PIAS4: variants seen among roughly 807,000 people sequenced by gnomAD.
The protein encoded by PIAS4 is protein inhibitor of activated STAT 4, also known as E3 SUMO-protein ligase PIAS4.
A neutral mutation model predicts 58.0 loss-of-function variants in PIAS4; 7 were observed. The observed-to-expected ratio is 0.12, with a 90% CI of 0.07 to 0.23. The LOEUF (loss-of-function observed/expected upper bound fraction) is 0.23. Ranked by LOEUF, PIAS4 falls within the 10% of genes least tolerant of loss-of-function variation. The pLI is 1.00. For missense variants in PIAS4, 550 were observed against 709.5 expected (o/e 0.78, Z 2.55); for synonymous variants, 364 against 312.4 (o/e 1.17, Z -1.74).
intron 7 of PIAS4, among the ~76,000 whole-genome samples, chr19:4,032,886 CTG>C (rs1347020553): frequency 6.6e-6 from 1 of 152,208 alleles, no homozygotes; most frequent in Non-Finnish European, 1.5e-5. Context: ...TCGGCTGGGT[CTG>C]TGCTGTGCCC....
At chr19:4,010,270 G>A (rs1266622483) in intron 1 of PIAS4, among the ~76,000 whole-genome samples, 1 of 152,194 alleles carries the variant, frequency 6.6e-6, no homozygotes, top group Non-Finnish European at 1.5e-5. Context: ...TGAACATATG[G>A]CCACCTAAGG....
At chr19:4,018,233 T>C (rs890685440) in intron 2 of PIAS4, among the ~76,000 whole-genome samples, 2 of 152,206 alleles carry the variant, frequency 1.3e-5, no homozygotes, top group Admixed American at 6.5e-5. Flanking sequence ...GCTGCCCGAG[T>C]GGGCCGCCTC....
chr19:4,036,974 C>CACACGTGCACACACAT (rs1568222977), intron 9 of PIAS4, among the ~76,000 whole-genome samples: 1 of 152,200 alleles, frequency 6.6e-6, no homozygotes, highest in African/African-American at 2.4e-5. Context: ...TGCACACACA[C>CACACGTGCACACACAT]GCACATGCTC....
chr19:4,022,029 T>C (rs1367356183), intron 2 of PIAS4, among the ~76,000 whole-genome samples: 1 of 152,154 alleles, frequency 6.6e-6, no homozygotes, highest in Non-Finnish European at 1.5e-5. Context: ...ATTACAGGCA[T>C]GAGCCACCAT....
At chr19:4,021,672 G>A (rs1257842878) in intron 2 of PIAS4, among the ~76,000 whole-genome samples, 1 of 150,416 alleles carries the variant, frequency 6.6e-6, no homozygotes, top group Non-Finnish European at 1.5e-5. Flanking sequence ...AAGAGTTTAT[G>A]TACGGTTTAT....
intron 1 of PIAS4, among the ~76,000 whole-genome samples, chr19:4,009,342 C>G (rs575843216): frequency 6.6e-6 from 1 of 152,250 alleles, no homozygotes; most frequent in African/African-American, 2.4e-5. Context: ...AGTGGAGACT[C>G]GCCCTGGAGA....
At chr19:4,032,353 G>A (rs1055174450) in intron 7 of PIAS4, among the ~76,000 whole-genome samples, 1 of 152,066 alleles carries the variant, frequency 6.6e-6, no homozygotes, top group Non-Finnish European at 1.5e-5. Flanking sequence ...AGGGTGGCCT[G>A]CCCCCCATGG....
Position 4,028,715 on chromosome 19 carries a change from T to G in PIAS4, c.673-5T>G, listed in dbSNP as rs762460547. ...CTCGAGGCTGAGCGGCCCATCTGCT[T>G]GCAGGGCTACTACCCCTCCAATAAG... On this transcript the variant is annotated splice_region_variant and splice_polypyrimidine_tract_variant and intron_variant, in intron 5 of 10. Coordinates refer to ENST00000262971, the MANE Select transcript of PIAS4 (RefSeq NM_015897.4). 5 of 1,606,956 alleles carry G rather than the reference T, an allele frequency of 3.1e-6. No homozygotes were observed. Among genetic ancestry groups the G allele is most frequent in the Non-Finnish European group, 4.3e-6 (5 of 1,175,694 alleles).
intron 2 of PIAS4, among the ~76,000 whole-genome samples, chr19:4,015,672 C>T (rs559353555): frequency 6.6e-6 from 1 of 152,318 alleles, no homozygotes; most frequent in South Asian, 2.1e-4. Flanking sequence ...GGCTGTGTCC[C>T]TCCCCAGGGT....
chr19:4,036,563 C>T lies in PIAS4; in HGVS notation c.1143-811C>T, dbSNP rs529524010. On this transcript the variant is annotated intron_variant, in intron 9 of 10. Transcript: ENST00000262971. Reference sequence around the variant, plus strand: ...ATGCACACATCTATACAGTCCACACCGTCACACATCCATACAGTCCACACC... The same window carrying T: ...ATGCACACATCTATACAGTCCACACTGTCACACATCCATACAGTCCACACC... Among the ~76,000 whole-genome samples the T allele has an allele frequency of 1.7e-4, 25 of 143,650 alleles. 1 individual carries two copies. In the South Asian group the frequency reaches 3.6e-3, roughly 21 times the overall value. The allele number at this position is 143,650 out of a possible 152,430, so 94.2% of individuals were successfully genotyped here.
intron 2 of PIAS4, among the ~76,000 whole-genome samples, chr19:4,020,026 C>T (rs2040093620): frequency 6.6e-6 from 1 of 152,014 alleles, no homozygotes; most frequent in Admixed American, 6.5e-5. Flanking sequence ...ACGCCATTCT[C>T]CTGCCTCAGC....
In PIAS4 at chr19:4,038,979, TG is replaced by T. The variant is rs2040333125; in HGVS notation, c.*1106del. On this transcript the variant is annotated 3_prime_UTR_variant, in exon 11 of 11. Transcript: ENST00000262971. The surrounding 1 kb of genome is among the most constrained non-coding windows in gnomAD (Gnocchi z 4.1). ...CCCTCGCAGGCCCCACCCATGCCCT[TG>T]GCCTCAGGGTCCAACAACTGGGGGA... 6.6e-6 allele frequency: 1 copy of T among 152,368 alleles called. No individual in the cohort carries two copies. Among genetic ancestry groups the T allele is most frequent in the South Asian group, 2.1e-4 (1 of 4,830 alleles). The allele number at this position is 152,368 out of a possible 1,614,324, so 9.4% of individuals were successfully genotyped here. A position where few individuals can be genotyped will look rare whatever the true frequency, so the allele number is the denominator to read the frequency against.
rs142374202 is a variant in PIAS4 at position 4,029,001 on chromosome 19, T to G, written c.872T>G (p.Ile291Ser). 1 of 1,609,656 alleles carries G rather than the reference T, an allele frequency of 6.2e-7. No individual in the cohort carries two copies. The highest frequency in any genetic ancestry group is 1.7e-5 in the Admixed American group (1 of 59,554). Residue 291 changes from isoleucine to serine, a missense_variant, in exon 7 of 11, where the codon ATT becomes AGT. Around this residue, in one of 4 missense-constraint regions of PIAS4, gnomAD observed 225 missense variants for 345.8 expected, o/e 0.65. Transcript: ENST00000262971. ...GAGCTGCTGCAGAGGCTGAAGACCA[T>G]TGGGGTAAAGCACCCGGAGCTGTGC... ...SSELLQRLKT[I>S]GVKHPELCKA...
chr19:4,022,541 T>C (rs1351934526), intron 2 of PIAS4, among the ~76,000 whole-genome samples: 1 of 152,082 alleles, frequency 6.6e-6, no homozygotes, highest in South Asian at 2.1e-4. Context: ...TAATTTTTTG[T>C]ATTTTTAGTA....
intron 1 of PIAS4, among the ~76,000 whole-genome samples, chr19:4,008,276 CT>C (rs2039962187): frequency 6.6e-6 from 1 of 152,134 alleles, no homozygotes; most frequent in South Asian, 2.1e-4. Context: ...ACAGGCCAGG[CT>C]GGGGTTTGCG....
intron 7 of PIAS4, among the ~76,000 whole-genome samples, chr19:4,030,451 C>T (rs1043841765): frequency 2.0e-5 from 3 of 151,948 alleles, no homozygotes; most frequent in African/African-American, 7.3e-5. Context: ...AACCCCATCT[C>T]TACTAAAAAT....
chr19:4,037,482 G>A lies in PIAS4; in HGVS notation c.1251G>A (p.Pro417=), dbSNP rs147254708. The change falls in exon 10 of 11, where the codon CCG becomes CCA. Residue 417 remains proline (P), a synonymous_variant. Transcript: ENST00000262971. The surrounding 1 kb of genome is among the most constrained non-coding windows in gnomAD (Gnocchi z 5.8). ...IRAEKERSCS[P]QGAILVLGPS... ...CCGAAAAGGAGCGCAGCTGCAGCCC[G>A]CAGGGCGCCATCCTCGTGCTGGGTG... 44 of 1,610,722 alleles carry A rather than the reference G, an allele frequency of 2.7e-5. No homozygotes were observed. Among genetic ancestry groups the A allele is most frequent in the East Asian group, 4.5e-5 (2 of 44,862 alleles).
intron 2 of PIAS4, among the ~76,000 whole-genome samples, chr19:4,014,849 C>T (rs996549034): frequency 6.6e-6 from 1 of 152,208 alleles, no homozygotes; most frequent in African/African-American, 2.4e-5. Context: ...GGCTGCTTTT[C>T]CCCTCCCATC....
intron 1 of PIAS4, among the ~76,000 whole-genome samples, 191 bp from the exon 2 acceptor site, chr19:4,012,732 A>G (rs1293279396): frequency 1.4e-5 from 2 of 139,598 alleles, no homozygotes; most frequent in African/African-American, 5.5e-5. Flanking sequence ...TTTGATGAGG[A>G]GGAGGGAGGG....
Sources: gnomAD v4.1 joint callset for allele counts (sites outside exome capture counted in the v4.1 genomes callset) on GRCh38, gnomAD v4.1.1 for gene constraint, gnomAD v4.1.1 regional missense constraint, Gnocchi (gnomAD v3.1) non-coding constraint, MANE v1.5 for transcripts, NCBI Gene and HGNC (gene_info 2026-07-23, HGNC 2026-07-21) for gene names.